ZNF410: variants seen among roughly 807,000 people sequenced by gnomAD.
The protein encoded by ZNF410 is another partner for ARF 1.
ZNF410 carries 18 observed loss-of-function variants against 54.8 expected under a neutral mutation model. The ratio of observed to expected loss-of-function variants is 0.33; its 90% CI spans 0.23 to 0.49. The LOEUF (loss-of-function observed/expected upper bound fraction) is 0.49, where lower values mean the gene tolerates loss of function less well. ZNF410 is among the 20% of genes least tolerant of loss of function. The pLI is 0.99. For missense variants in ZNF410, 405 were observed against 569.6 expected (o/e 0.71, Z 2.94); for synonymous variants, 191 against 207.3 (o/e 0.92, Z 0.68).
At chr14:73,888,670 G>A (rs1203132758) in intron 1 of ZNF410, among the ~76,000 whole-genome samples, 1 of 152,170 alleles carries the variant, frequency 6.6e-6, no homozygotes, top group Non-Finnish European at 1.5e-5. Context: ...TTACATTGCA[G>A]TTTTGGAAAT....
intron 11 of ZNF410, among the ~76,000 whole-genome samples, chr14:73,931,076 C>T (rs2055905284): frequency 6.6e-6 from 1 of 151,982 alleles, no homozygotes; most frequent in South Asian, 2.1e-4. Context: ...TGGGTTTCAG[C>T]TCTCATATAG....
chr14:73,889,263 C>T (rs183824207), intron 1 of ZNF410, among the ~76,000 whole-genome samples: 1 of 152,150 alleles, frequency 6.6e-6, no homozygotes, highest in South Asian at 2.1e-4. Flanking sequence ...CAGCCTCGAT[C>T]TCCTGGGCTA....
intron 7 of ZNF410, among the ~76,000 whole-genome samples, chr14:73,906,669 G>T (rs897809181): frequency 6.6e-6 from 1 of 151,674 alleles, no homozygotes; most frequent in South Asian, 2.1e-4. Flanking sequence ...TGTAGAGACC[G>T]GGTTTTGCCA....
At chr14:73,922,392 G>C (rs1244085880) in intron 10 of ZNF410, 186 bp downstream of exon 10, 1 of 466,892 alleles carries the variant, frequency 2.1e-6, no homozygotes, top group East Asian at 3.6e-5. Context: ...TTTTTTCATT[G>C]AAGATAATAT....
intron 8 of ZNF410, among the ~76,000 whole-genome samples, chr14:73,910,895 A>G (rs2055567514): frequency 1.3e-5 from 2 of 149,308 alleles, no homozygotes; most frequent in African/African-American, 5.0e-5. Context: ...AGTGAAGATA[A>G]GGAGGGAAAG....
At chr14:73,909,612 G>A in intron 8 of ZNF410, 182 bp downstream of exon 8, 1 of 498,654 alleles carries the variant, frequency 2.0e-6, no homozygotes, top group Non-Finnish European at 3.6e-6. Context: ...AAGGTTGGGG[G>A]GGGGACATCT....
intron 7 of ZNF410, among the ~76,000 whole-genome samples, chr14:73,905,912 C>CATACAT (rs1287340572): frequency 6.7e-6 from 1 of 149,042 alleles, no homozygotes; most frequent in East Asian, 2.0e-4. Flanking sequence ...CATATATACA[C>CATACAT]ATACATATAT....
intron 9 of ZNF410, 120 bp downstream of exon 9, chr14:73,921,225 T>C (rs2055750562): frequency 7.7e-7 from 1 of 1,297,428 alleles, no homozygotes; most frequent in Non-Finnish European, 1.1e-6. Flanking sequence ...AGACCTGGTC[T>C]CATTTGATGG....
chr14:73,896,677 G>T lies in ZNF410; in HGVS notation c.388+143G>T. ...GAATTGGTGTGTCTGGTGACCATTTGAATATGTAGAGGGAGAGGGAGGACT... is the reference window on the plus strand; with the variant it reads ...GAATTGGTGTGTCTGGTGACCATTTTAATATGTAGAGGGAGAGGGAGGACT... On this transcript the variant is annotated intron_variant, in intron 4 of 11. Coordinates refer to ENST00000555044, the MANE Select transcript of ZNF410 (RefSeq NM_021188.3). The T allele has an allele frequency of 2.9e-6, 2 of 681,330 alleles. 1 individual carries two copies. Among genetic ancestry groups the T allele is most frequent in the South Asian group, 3.9e-5 (2 of 50,766 alleles). The allele number at this position is 681,330 out of a possible 1,614,324, so 42.2% of individuals were successfully genotyped here.
chr14:73,923,601 CTCCAGTTTCCATT>C (rs1039091485), intron 11 of ZNF410, 79 bp downstream of exon 11: 1 of 1,511,812 alleles, frequency 6.6e-7, no homozygotes, highest in African/African-American at 1.4e-5. Context: ...CTGAAAAAGT[CTCCAGTTTCCATT>C]TCCTGGAAAC....
chr14:73,926,419 T>TTTTTG (rs1054111366), intron 11 of ZNF410, among the ~76,000 whole-genome samples: 7 of 151,850 alleles, frequency 4.6e-5, no homozygotes, highest in Non-Finnish European at 7.4e-5. Flanking sequence ...GGAACTGGGT[T>TTTTTG]TTTTGTTTTG....
intron 8 of ZNF410, 77 bp from the exon 9 acceptor site, chr14:73,920,903 G>C: frequency 1.3e-6 from 2 of 1,574,566 alleles, no homozygotes; most frequent in Non-Finnish European, 1.7e-6. Context: ...ACATTCTCTG[G>C]GTTTCTCCAT....
intron 7 of ZNF410, among the ~76,000 whole-genome samples, chr14:73,905,926 C>CATACATAT (rs1427137724): frequency 1.9e-4 from 28 of 144,058 alleles, no homozygotes; most frequent in African/African-American, 5.2e-4. Context: ...CATATATATA[C>CATACATAT]ACATACATAC....
chr14:73,927,246 C>T (rs137901788), intron 11 of ZNF410: 37 of 220,654 alleles, frequency 1.7e-4, no homozygotes, highest in African/African-American at 5.0e-4. Flanking sequence ...CCACCACGCC[C>T]GGCTGTATTT....
chr14:73,904,191 G>A, intron 6 of ZNF410, 81 bp downstream of exon 6: 1 of 1,504,012 alleles, frequency 6.6e-7, no homozygotes, highest in Non-Finnish European at 9.0e-7. Context: ...CCCTCAGGTT[G>A]ACAAATTACA....
intron 1 of ZNF410, among the ~76,000 whole-genome samples, chr14:73,890,887 G>A (rs1394496276): frequency 6.6e-6 from 1 of 152,042 alleles, no homozygotes; most frequent in East Asian, 1.9e-4. Flanking sequence ...TCTCATGCCT[G>A]TAATCCCAGC....
At chr14:73,918,564 A>T (rs901701147) in intron 8 of ZNF410, among the ~76,000 whole-genome samples, 2 of 152,040 alleles carry the variant, frequency 1.3e-5, no homozygotes, top group Non-Finnish European at 2.9e-5. Context: ...GGAGATGATT[A>T]AAAAAAGAAA....
At chr14:73,897,985 A>C in intron 4 of ZNF410, 86 bp from the exon 5 acceptor site, 1 of 1,292,370 alleles carries the variant, frequency 7.7e-7, no homozygotes, top group Non-Finnish European at 1.0e-6. Flanking sequence ...AAAAAAAAAA[A>C]AAAAAGGGAC....
At chr14:73,896,845 A>G (rs979122828) in intron 4 of ZNF410, among the ~76,000 whole-genome samples, 8 of 152,186 alleles carry the variant, frequency 5.3e-5, no homozygotes, top group Admixed American at 2.6e-4. Context: ...TCAGGAGGAC[A>G]TGTCCTTTAG....
Sources: gnomAD v4.1 joint callset for allele counts (sites outside exome capture counted in the v4.1 genomes callset) on GRCh38, gnomAD v4.1.1 for gene constraint, MANE v1.5 for transcripts, NCBI Gene and HGNC (gene_info 2026-07-23, HGNC 2026-07-21) for gene names.